Variants in STS observed in about 807,000 individuals in gnomAD.
STS encodes steryl-sulfatase.
A neutral mutation model predicts 26.8 loss-of-function variants in STS; 7 were observed. That is an observed-to-expected ratio of 0.26 (90% CI 0.15 to 0.49). The LOEUF is 0.49. Among genes scored for constraint, STS ranks in the 20% least tolerant of loss-of-function variants. The pLI, the probability that STS is intolerant of heterozygous loss-of-function variation, is 0.98. For synonymous variants in STS, 199 were observed against 189.4 expected (o/e 1.05, Z -0.42); for missense variants, 434 against 465.6 (o/e 0.93, Z 0.63).
chrX:7,272,365 C>A (rs1426487469), intron 6 of STS, among the ~76,000 whole-genome samples: 1 of 110,072 alleles, frequency 9.1e-6, no homozygotes, highest in African/African-American at 3.3e-5. Flanking sequence ...TTACATAAAC[C>A]ATGTCCCGTC....
At chrX:7,332,331 TAA>T (rs769894823) in intron 9 of STS, among the ~76,000 whole-genome samples, 6 of 85,254 alleles carry the variant, frequency 7.0e-5, no homozygotes, top group Non-Finnish European at 6.9e-5. Context: ...ACCTTGTCTC[TAA>T]AAAAAAAAAA....
intron 1 of STS, among the ~76,000 whole-genome samples, chrX:7,150,868 T>A (rs1253173615): frequency 8.9e-6 from 1 of 112,394 alleles, no homozygotes; most frequent in Non-Finnish European, 1.9e-5. Context: ...TTTTCATAAT[T>A]CTCCAACAGC....
intron 2 of STS, among the ~76,000 whole-genome samples, chrX:7,205,641 C>CTTTTTTT (rs11318727): frequency 1.1e-5 from 1 of 87,993 alleles, no homozygotes; most frequent in East Asian, 3.4e-4. Flanking sequence ...TTTCTTTTTT[C>CTTTTTTT]TTTTTTTTTT....
chrX:7,166,021 T>A (rs1601624075), intron 1 of STS, among the ~76,000 whole-genome samples: 3 of 106,610 alleles, frequency 2.8e-5, no homozygotes, highest in African/African-American at 7.0e-5. Flanking sequence ...TTTTTTTTTT[T>A]AATTGAGACA....
intron 7 of STS, among the ~76,000 whole-genome samples, chrX:7,278,357 C>T (rs1181222998): frequency 5.4e-5 from 6 of 111,972 alleles, no homozygotes; most frequent in African/African-American, 1.9e-4. Flanking sequence ...ATAAGAAACA[C>T]TCCCTGCACA....
At chrX:7,264,245 G>A (rs779914500) in intron 6 of STS, among the ~76,000 whole-genome samples, 11 of 112,181 alleles carry the variant, frequency 9.8e-5, no homozygotes, top group Admixed American at 7.5e-4. Flanking sequence ...GAAACCTCTC[G>A]GATTCTGCTC....
At chrX:7,209,240 T>C (rs1460881188) in intron 2 of STS, among the ~76,000 whole-genome samples, 1 of 110,973 alleles carries the variant, frequency 9.0e-6, no homozygotes, top group Non-Finnish European at 1.9e-5. Flanking sequence ...TGCCAGATCT[T>C]CCATAGCAGG....
chrX:7,204,525 C>G (rs186631266), intron 2 of STS, among the ~76,000 whole-genome samples: 4,213 of 92,376 alleles, frequency 0.046, 267 homozygotes, highest in African/African-American at 0.16. Context: ...CCCTTCCTCC[C>G]TCCCTCCCTC....
chrX:7,198,409 C>T (rs1429066658), intron 2 of STS, among the ~76,000 whole-genome samples: 1 of 111,221 alleles, frequency 9.0e-6, no homozygotes, highest in Non-Finnish European at 1.9e-5. Flanking sequence ...ACATCTTCAA[C>T]TCCAATCTTA....
At chrX:7,255,053 A>G (rs1196345467) in intron 3 of STS, among the ~76,000 whole-genome samples, 1 of 112,565 alleles carries the variant, frequency 8.9e-6, no homozygotes, top group Non-Finnish European at 1.9e-5. Flanking sequence ...CAGACCAAAC[A>G]AAAATTAAAT....
intron 2 of STS, among the ~76,000 whole-genome samples, chrX:7,205,563 T>C (rs1370883386): frequency 9.1e-6 from 1 of 109,324 alleles, no homozygotes; most frequent in Admixed American, 9.7e-5. Flanking sequence ...TATAAAACTG[T>C]AGGTTGGAAA....
chrX:7,226,534 T>C (rs1348381125), intron 2 of STS, among the ~76,000 whole-genome samples: 1 of 111,647 alleles, frequency 9.0e-6, no homozygotes, highest in Admixed American at 9.5e-5. Context: ...TATTCAATTG[T>C]ATAGGAAATG....
chrX:7,176,594 C>T (rs76492301), intron 1 of STS, among the ~76,000 whole-genome samples: 1 of 109,046 alleles, frequency 9.2e-6, no homozygotes, highest in Non-Finnish European at 1.9e-5. Flanking sequence ...CATAGTTCCA[C>T]ATGGCTGGGG....
At chrX:7,256,430 C>T (rs1218186575) in intron 3 of STS, among the ~76,000 whole-genome samples, 1 of 111,673 alleles carries the variant, frequency 9.0e-6, no homozygotes, top group Non-Finnish European at 1.9e-5. Context: ...CGTATTAACC[C>T]ATTTATTGAT....
Position 7,334,224 on chromosome X carries a change from A to G in STS, c.1363+117A>G, listed in dbSNP as rs749398026. On this transcript the variant is annotated intron_variant, in intron 10 of 10. Coordinates refer to ENST00000674429, the MANE Select transcript of STS (RefSeq NM_001320752.2). ...TCAATGGAGGCCAACAGGTGCCTCAATGTGCGCCCATGCTTTGCTTTGTCC... is the reference window on the plus strand; with the variant it reads ...TCAATGGAGGCCAACAGGTGCCTCAGTGTGCGCCCATGCTTTGCTTTGTCC... 1.8e-4 allele frequency: 181 copies of G among 993,362 alleles called. No homozygotes were observed. In the Middle Eastern group the frequency reaches 4.3e-3, roughly 23 times the overall value. 81.9% of individuals were successfully genotyped at this position (993,362 alleles called of 1,213,427 possible). A position where few individuals can be genotyped will look rare whatever the true frequency, so the allele number is the denominator to read the frequency against.
intron 1 of STS, among the ~76,000 whole-genome samples, chrX:7,149,671 A>G (rs1466905972): frequency 8.9e-6 from 1 of 111,952 alleles, no homozygotes; most frequent in African/African-American, 3.2e-5. Context: ...GCAGATGTGT[A>G]TTGTGTCACA....
intron 1 of STS, among the ~76,000 whole-genome samples, chrX:7,157,250 C>G (rs769216708): frequency 8.9e-5 from 10 of 111,853 alleles, no homozygotes; most frequent in Non-Finnish European, 1.7e-4. Context: ...TCGATCTTTG[C>G]TCATGTGACT....
At chrX:7,202,068 C>T (rs1387073289) in intron 2 of STS, among the ~76,000 whole-genome samples, 8 of 111,327 alleles carry the variant, frequency 7.2e-5, no homozygotes, top group African/African-American at 2.0e-4. Flanking sequence ...GTCATTGTCA[C>T]GAGTATTTTC....
intron 7 of STS, among the ~76,000 whole-genome samples, chrX:7,295,272 A>G (rs1225254040): frequency 9.0e-6 from 1 of 111,658 alleles, no homozygotes; most frequent in Non-Finnish European, 1.9e-5. Context: ...CTCAGTCAAA[A>G]AAATCTAGTG....
Sources: allele counts gnomAD v4.1 joint callset (sites outside exome capture counted in the v4.1 genomes callset), GRCh38; gene constraint gnomAD v4.1.1; transcripts MANE v1.5; gene names NCBI Gene and HGNC (gene_info 2026-07-23, HGNC 2026-07-21).